Variants in ADGRV1 observed in about 807,000 individuals in gnomAD.
ADGRV1 encodes adhesion G protein-coupled receptor V1, also known as G-protein coupled receptor 98.
Under a neutral mutation model 596.2 loss-of-function variants are expected in ADGRV1, and 359 were observed. That is an observed-to-expected ratio of 0.60 (90% CI 0.55 to 0.66). The LOEUF is 0.66. ADGRV1 is among the 30% of genes least tolerant of loss of function. The pLI is 0.00. For synonymous variants in ADGRV1, 2,681 were observed against 2,679.2 expected (o/e 1.00, Z -0.02); for missense variants, 7,274 against 7,575.6 (o/e 0.96, Z 1.48).
chr5:91,131,237 C>T (rs191216796), intron 87 of ADGRV1, among the ~76,000 whole-genome samples: 2 of 152,266 alleles, frequency 1.3e-5, no homozygotes, highest in Admixed American at 1.3e-4. Context: ...TTCTCGCCAA[C>T]GTATATAAAA....
At chr5:90,868,455 A>G (rs1032556945) in intron 83 of ADGRV1, among the ~76,000 whole-genome samples, 26 of 152,146 alleles carry the variant, frequency 1.7e-4, no homozygotes, top group Admixed American at 1.7e-3. Context: ...GATAATTTAG[A>G]GTATGAACAA....
At chr5:90,559,988 G>A (rs956870456) in intron 1 of ADGRV1, among the ~76,000 whole-genome samples, 12 of 152,240 alleles carry the variant, frequency 7.9e-5, no homozygotes, top group African/African-American at 2.9e-4. Context: ...AGAGTAAGTG[G>A]CGAACTATTC....
chr5:90,927,135 A>G (rs2150774442), intron 83 of ADGRV1, among the ~76,000 whole-genome samples: 1 of 150,368 alleles, frequency 6.7e-6, no homozygotes, highest in East Asian at 1.9e-4. Context: ...AGAGTTCTGT[A>G]GATGTCTATT....
At position 90,995,866 on chromosome 5, in the gene ADGRV1, G is replaced by A. The variant is rs188013964; in HGVS notation, c.18152+10344G>A. ...AAGAGACTGGTGGCATTGTGCCCCC[G>A]CTCTAGGGCTCTCTGGAACTTTGAA... On this transcript the variant is annotated intron_variant, in intron 85 of 89. Coordinates refer to ENST00000405460, the MANE Select transcript of ADGRV1 (RefSeq NM_032119.4). Among the ~76,000 whole-genome samples, 808 of 152,268 alleles carry A rather than the reference G, an allele frequency of 5.3e-3. 7 individuals are homozygous for A. Among genetic ancestry groups the A allele is most frequent in the African/African-American group, 0.019 (781 of 41,562 alleles).
chr5:90,730,475 CTA>C (rs1317791867), intron 50 of ADGRV1, among the ~76,000 whole-genome samples: 1 of 152,176 alleles, frequency 6.6e-6, no homozygotes, highest in Non-Finnish European at 1.5e-5. Context: ...TGGAGAATGA[CTA>C]TGAGAATTCT....
At chr5:91,162,858 C>T (rs1030996601) in intron 89 of ADGRV1, among the ~76,000 whole-genome samples, 1 of 152,072 alleles carries the variant, frequency 6.6e-6, no homozygotes, top group African/African-American at 2.4e-5. Context: ...AAGGGAAATC[C>T]CAGCTGCCTG....
chr5:91,037,699 A>T (rs1785024357), intron 85 of ADGRV1, among the ~76,000 whole-genome samples: 1 of 152,234 alleles, frequency 6.6e-6, no homozygotes, highest in Non-Finnish European at 1.5e-5. Flanking sequence ...ATGAAATTAT[A>T]TATTCGAGGG....
At chr5:90,922,168 C>G (rs1773941432) in intron 83 of ADGRV1, among the ~76,000 whole-genome samples, 1 of 152,170 alleles carries the variant, frequency 6.6e-6, no homozygotes, top group Non-Finnish European at 1.5e-5. Context: ...CGTTTCACTG[C>G]CACACTGTAT....
At chr5:90,590,107 G>T (rs1580366919) in intron 1 of ADGRV1, among the ~76,000 whole-genome samples, 1 of 152,038 alleles carries the variant, frequency 6.6e-6, no homozygotes, top group Admixed American at 6.5e-5. Context: ...GAATTAAAAT[G>T]ACACGTTTTG....
At chr5:90,766,363 A>G (rs1440217344) in intron 59 of ADGRV1, among the ~76,000 whole-genome samples, 1 of 152,172 alleles carries the variant, frequency 6.6e-6, no homozygotes, top group Non-Finnish European at 1.5e-5. Flanking sequence ...TAATCGTTAC[A>G]TGTATTTGGT....
intron 77 of ADGRV1, among the ~76,000 whole-genome samples, chr5:90,835,213 G>A (rs1338212398): frequency 6.6e-6 from 1 of 152,184 alleles, no homozygotes; most frequent in African/African-American, 2.4e-5. Flanking sequence ...CTTGGGTGCT[G>A]TGATCTAAAT....
At chr5:91,098,726 A>G (rs1791101786) in intron 86 of ADGRV1, among the ~76,000 whole-genome samples, 1 of 150,920 alleles carries the variant, frequency 6.6e-6, no homozygotes, top group Non-Finnish European at 1.5e-5. Flanking sequence ...GAGCCCCAGT[A>G]TGCTCCCTTA....
chr5:90,569,368 TA>T (rs1756099781), intron 1 of ADGRV1, among the ~76,000 whole-genome samples: 3 of 21,378 alleles, frequency 1.4e-4, no homozygotes, highest in Non-Finnish European at 2.8e-4. Context: ...TATATATATA[TA>T]TATATATATA....
Position 90,962,005 on chromosome 5 carries a change from A to T in ADGRV1, c.17857-3410A>T, listed in dbSNP as rs543915803. Among the ~76,000 whole-genome samples the T allele has an allele frequency of 7.1e-4, 108 of 152,308 alleles. 1 individual carries two copies. Among genetic ancestry groups the T allele is most frequent in the African/African-American group, 2.5e-3 (106 of 41,580 alleles). ...GCACTTCGAGAGGGGACTGTGCTCG[A>T]TTTAGCTTTGTAGGCAGTAGCATGG... On this transcript the variant is annotated intron_variant, in intron 83 of 89. Coordinates refer to ENST00000405460, the MANE Select transcript of ADGRV1 (RefSeq NM_032119.4).
intron 86 of ADGRV1, among the ~76,000 whole-genome samples, chr5:91,084,308 A>G: frequency 6.6e-6 from 1 of 152,172 alleles, no homozygotes. Context: ...AGAATAGGAG[A>G]AAAATTTTGC....
At chr5:90,732,210 C>T (rs1752644503) in intron 50 of ADGRV1, among the ~76,000 whole-genome samples, 2 of 152,202 alleles carry the variant, frequency 1.3e-5, no homozygotes, top group South Asian at 4.2e-4. Context: ...CTTTGTGTTG[C>T]CCAGCCTGGT....
Position 90,840,908 on chromosome 5 carries a change from C to G in ADGRV1, c.16942C>G (p.Leu5648Val). ...GAATGATGATATTCTCAACAGAGTG[C>G]TCCATACCATCAGCATGAAAGTGGC... The part of the protein sequence containing the change: ...PVNDDILNRV[L>V]HTISMKVATE... The change falls in exon 78 of 90, where the codon CTC becomes GTC. Residue 5648 changes from leucine (L) to valine (V), a missense_variant. Leu to Val is a conservative substitution (Grantham distance 32). Coordinates refer to ENST00000405460, the MANE Select transcript of ADGRV1 (RefSeq NM_032119.4). 6.4e-7 allele frequency: 1 copy of G among 1,560,800 alleles called. No individual in the cohort carries two copies.
At chr5:90,964,388 C>A (rs1778276063) in intron 83 of ADGRV1, among the ~76,000 whole-genome samples, 1 of 151,878 alleles carries the variant, frequency 6.6e-6, no homozygotes, top group African/African-American at 2.4e-5. Flanking sequence ...ATAGTGGTAC[C>A]CTCTGAAAAT....
At chr5:90,869,915 C>CTAT (rs1768503381) in intron 83 of ADGRV1, among the ~76,000 whole-genome samples, 1 of 152,146 alleles carries the variant, frequency 6.6e-6, no homozygotes, top group South Asian at 2.1e-4. Context: ...TTTAAAACTG[C>CTAT]TATACTAAGT....
Sources: allele counts gnomAD v4.1 joint callset (sites outside exome capture counted in the v4.1 genomes callset), GRCh38; gene constraint gnomAD v4.1.1; transcripts MANE v1.5; gene names NCBI Gene and HGNC (gene_info 2026-07-23, HGNC 2026-07-21).